IL1RAPL2: variants seen among roughly 807,000 people sequenced by gnomAD.
The protein encoded by IL1RAPL2 is interleukin 1 receptor accessory protein like 2.
IL1RAPL2 carries 3 observed loss-of-function variants against 44.1 expected under a neutral mutation model. That is an observed-to-expected ratio of 0.07 (90% CI 0.03 to 0.18). IL1RAPL2 has a LOEUF of 0.18. Ranked by LOEUF, IL1RAPL2 falls within the 10% of genes least tolerant of loss-of-function variation. The probability of loss-of-function intolerance (pLI) is 1.00; values close to 1 mark genes in which losing one functional copy is unlikely to be tolerated. For missense variants in IL1RAPL2, 391 were observed against 496.4 expected (o/e 0.79, Z 2.02); for synonymous variants, 181 against 178.8 (o/e 1.01, Z -0.10).
At chrX:104,579,644 C>T (rs753616823) in intron 1 of IL1RAPL2, among the ~76,000 whole-genome samples, 1 of 111,707 alleles carries the variant, frequency 9.0e-6, no homozygotes, top group East Asian at 2.8e-4. Flanking sequence ...AAATACTCAT[C>T]AGGCACTAGC....
chrX:105,224,732 G>A (rs1166336463), intron 3 of IL1RAPL2, among the ~76,000 whole-genome samples: 1 of 112,073 alleles, frequency 8.9e-6, no homozygotes, highest in East Asian at 2.8e-4. Context: ...CATATTGACA[G>A]ATGCAAAAAT....
intron 2 of IL1RAPL2, among the ~76,000 whole-genome samples, chrX:104,772,261 A>G (rs1932652059): frequency 8.9e-6 from 1 of 112,342 alleles, no homozygotes; most frequent in Non-Finnish European, 1.9e-5. Flanking sequence ...TAGCCCTCCT[A>G]TTGCATTTGT....
intron 2 of IL1RAPL2, among the ~76,000 whole-genome samples, chrX:105,191,084 A>G (rs1361036597): frequency 8.9e-6 from 1 of 112,560 alleles, no homozygotes; most frequent in African/African-American, 3.2e-5. Flanking sequence ...TTTATGTCAA[A>G]CTCCCTAAAC....
chrX:105,637,096 C>G (rs1371370040), intron 6 of IL1RAPL2, among the ~76,000 whole-genome samples: 1 of 110,812 alleles, frequency 9.0e-6, no homozygotes, highest in Non-Finnish European at 1.9e-5. Context: ...CTTCTCTTTT[C>G]CAGGGTTGGG....
chrX:104,956,586 C>A (rs1462026192), intron 2 of IL1RAPL2, among the ~76,000 whole-genome samples: 4 of 108,542 alleles, frequency 3.7e-5, no homozygotes, highest in African/African-American at 1.3e-4. Context: ...TGCAGTGAAC[C>A]GAGATGCTCC....
intron 6 of IL1RAPL2, among the ~76,000 whole-genome samples, chrX:105,632,696 G>T (rs1453727257): frequency 9.0e-6 from 1 of 111,442 alleles, no homozygotes; most frequent in East Asian, 2.8e-4. Flanking sequence ...TAGGCTGTGG[G>T]CTCTTCTACC....
intron 2 of IL1RAPL2, among the ~76,000 whole-genome samples, chrX:104,829,424 C>A (rs1450880159): frequency 9.0e-6 from 1 of 111,469 alleles, no homozygotes; most frequent in Non-Finnish European, 1.9e-5. Flanking sequence ...TAGGTGACAC[C>A]CCACCCTGCT....
intron 1 of IL1RAPL2, among the ~76,000 whole-genome samples, chrX:104,605,158 AG>A (rs1409379316): frequency 2.9e-4 from 32 of 112,279 alleles, no homozygotes; most frequent in African/African-American, 1.0e-3. Context: ...CTCAAGATTA[AG>A]AAACTCACTC....
At chrX:104,813,410 T>C (rs928306880) in intron 2 of IL1RAPL2, among the ~76,000 whole-genome samples, 3 of 110,694 alleles carry the variant, frequency 2.7e-5, no homozygotes, top group African/African-American at 9.8e-5. Context: ...AGATTTTTTT[T>C]TGTGGGACTC....
chrX:104,583,118 C>T (rs779568730), intron 1 of IL1RAPL2, among the ~76,000 whole-genome samples: 120 of 108,860 alleles, frequency 1.1e-3, no homozygotes, highest in African/African-American at 3.8e-3. Flanking sequence ...AAACTTCTGA[C>T]CTCAAGTGAT....
intron 5 of IL1RAPL2, among the ~76,000 whole-genome samples, chrX:105,471,698 G>A (rs1224979193): frequency 9.0e-6 from 1 of 110,758 alleles, no homozygotes; most frequent in African/African-American, 3.3e-5. Flanking sequence ...AGATCCTAAA[G>A]GGTTGGGTTT....
intron 2 of IL1RAPL2, among the ~76,000 whole-genome samples, chrX:104,947,654 C>T (rs1358723068): frequency 1.8e-5 from 2 of 108,892 alleles, no homozygotes; most frequent in Non-Finnish European, 3.8e-5. Flanking sequence ...GTTTTCCCAG[C>T]ACCATTTATT....
Position 105,180,078 on chromosome X carries a change from T to G in IL1RAPL2, c.83-15397T>G, listed in dbSNP as rs1051371209. 1.6e-4 allele frequency among the ~76,000 whole-genome samples: 18 copies of G among 110,737 alleles called. No homozygotes were observed. In the Admixed American group the frequency reaches 1.7e-3, roughly 11 times the overall value. ...CTAGCTGGGCACAGTGGCTTACACC[T>G]GTAATCCCAGTACTTTGGGAGGCTG... On this transcript the variant is annotated intron_variant, in intron 2 of 10. Transcript: ENST00000372582.
intron 5 of IL1RAPL2, among the ~76,000 whole-genome samples, chrX:105,330,615 T>C (rs1157915655): frequency 9.0e-6 from 1 of 111,668 alleles, no homozygotes; most frequent in Non-Finnish European, 1.9e-5. Context: ...CATGTCCTGA[T>C]GGGTATCAGT....
At chrX:105,694,775 T>C (rs1456561685) in intron 6 of IL1RAPL2, among the ~76,000 whole-genome samples, 2 of 111,440 alleles carry the variant, frequency 1.8e-5, no homozygotes, top group African/African-American at 3.3e-5. Context: ...TCAGCTAATA[T>C]AGAAAAATCA....
intron 2 of IL1RAPL2, among the ~76,000 whole-genome samples, chrX:104,939,050 C>CT (rs60881835): frequency 0.043 from 3,475 of 80,885 alleles, 293 homozygotes; most frequent in African/African-American, 0.14. Flanking sequence ...TGCATGCTAG[C>CT]TTTTTTTTTT....
At chrX:105,269,491 C>A (rs776883996) in intron 5 of IL1RAPL2, among the ~76,000 whole-genome samples, 1 of 111,303 alleles carries the variant, frequency 9.0e-6, no homozygotes, top group Non-Finnish European at 1.9e-5. Context: ...AGAGTGCCTT[C>A]TATGAAAGTT....
At chrX:104,865,178 C>A (rs761107892) in intron 2 of IL1RAPL2, among the ~76,000 whole-genome samples, 1 of 111,513 alleles carries the variant, frequency 9.0e-6, no homozygotes, top group Non-Finnish European at 1.9e-5. Flanking sequence ...AAAACAATAT[C>A]GCATCCCTGG....
At chrX:105,471,207 A>G (rs2036163707) in intron 5 of IL1RAPL2, among the ~76,000 whole-genome samples, 1 of 111,661 alleles carries the variant, frequency 9.0e-6, no homozygotes, top group Non-Finnish European at 1.9e-5. Context: ...AATGGGTACT[A>G]TTATTATCCA....
Sources: allele counts gnomAD v4.1 joint callset (sites outside exome capture counted in the v4.1 genomes callset), GRCh38; gene constraint gnomAD v4.1.1; transcripts MANE v1.5; gene names NCBI Gene and HGNC (gene_info 2026-07-23, HGNC 2026-07-21).